The following TBC1D8 variants were observed in gnomAD, a reference collection of about 807,000 sequenced individuals.
The protein encoded by TBC1D8 is BUB2-like protein 1.
In TBC1D8, 65 loss-of-function variants were observed where a neutral mutation model predicts 118.8. The ratio of observed to expected loss-of-function variants is 0.55; its 90% confidence interval spans 0.45 to 0.67. TBC1D8 has a LOEUF of 0.67. TBC1D8 is among the 30% of genes least tolerant of loss of function. The pLI, the probability that TBC1D8 is intolerant of heterozygous loss-of-function variation, is 0.00. For synonymous variants in TBC1D8, 566 were observed against 595.8 expected, an observed-to-expected ratio of 0.95 and a Z score of 0.73; for missense variants, 1,376 against 1,471.2, an observed-to-expected ratio of 0.94 and a Z score of 1.06.
chr2:101,007,875 T>G lies in TBC1D8; in HGVS notation c.3414A>C (p.Lys1138Asn), dbSNP rs2105353326. Residue 1138 changes from lysine (K) to asparagine (N), a missense_variant, in exon 20 of 20, where the codon AAA becomes AAC. Transcript: ENST00000409318. Reference protein sequence around the residue: ...ENAKINQYNLKTFEMSHQSQS... With the variant: ...ENAKINQYNLNTFEMSHQSQS... ...GTGATTGGTGGCTCATTTCAAAAGTTTTGAGATTGTACTGATTGATCTTGG... is the reference window on the plus strand; with the variant it reads ...GTGATTGGTGGCTCATTTCAAAAGTGTTGAGATTGTACTGATTGATCTTGG... 1 of 1,612,422 alleles carries G rather than the reference T, an allele frequency of 6.2e-7. No homozygotes were observed. The highest frequency in any genetic ancestry group is 8.5e-7 in the Non-Finnish European group (1 of 1,179,876).
intron 8 of TBC1D8, among the ~76,000 whole-genome samples, chr2:101,037,261 G>C (rs1234878492): frequency 6.6e-6 from 1 of 152,214 alleles, no homozygotes; most frequent in Non-Finnish European, 1.5e-5. Context: ...CCCATTCTGT[G>C]CCTGGAGACC....
At chr2:101,105,415 C>G (rs958405770) in intron 1 of TBC1D8, among the ~76,000 whole-genome samples, 1 of 151,202 alleles carries the variant, frequency 6.6e-6, no homozygotes, top group Non-Finnish European at 1.5e-5. Context: ...ATGGCGAAAC[C>G]CTGTCTCTAC....
chr2:101,043,132 C>T (rs554812153), intron 5 of TBC1D8, among the ~76,000 whole-genome samples: 93 of 152,344 alleles, frequency 6.1e-4, no homozygotes, highest in African/African-American at 2.2e-3. Context: ...CAGATCACAA[C>T]GGGTCCAGTT....
intron 2 of TBC1D8, among the ~76,000 whole-genome samples, chr2:101,089,837 C>A (rs1444559385): frequency 6.7e-6 from 1 of 150,308 alleles, no homozygotes. Context: ...CGACAATATA[C>A]GAGCACCATG....
At chr2:101,036,211 C>T (rs1265313765) in intron 8 of TBC1D8, 43 bp from the exon 9 acceptor site, 1 of 1,594,282 alleles carries the variant, frequency 6.3e-7, no homozygotes, top group African/African-American at 1.3e-5. Context: ...AGTCTGTCCT[C>T]ACCACCCCCC....
chr2:101,124,309 T>C (rs1241621873), intron 1 of TBC1D8, among the ~76,000 whole-genome samples: 2 of 152,202 alleles, frequency 1.3e-5, no homozygotes, highest in Non-Finnish European at 2.9e-5. Flanking sequence ...ACATAGGGCA[T>C]CTAAGCAGTG....
chr2:101,022,349 C>G lies in TBC1D8; in HGVS notation c.2693G>C (p.Arg898Thr). Reference protein sequence around the residue: ...CGAHTEILAERTFRLLDDNMD... With the variant: ...CGAHTEILAETTFRLLDDNMD... ...GTTGTCATCCAAGAGCCTGAACGTC[C>G]TTTCGGCGAGGATCTCCGTGTGGGC... is the stretch of plus-strand genomic sequence containing the variant. Residue 898 changes from arginine (R) to threonine (T), a missense_variant, in exon 16 of 20, where the codon AGG becomes ACG. Coordinates refer to ENST00000409318, the MANE Select transcript of TBC1D8 (RefSeq NM_001330348.2). 6.2e-7 allele frequency: 1 copy of G among 1,612,538 alleles called. No homozygotes were observed. Among genetic ancestry groups the G allele is most frequent in the Non-Finnish European group, 8.5e-7 (1 of 1,179,558 alleles).
At chr2:101,057,996 G>C (rs1225336070) in intron 3 of TBC1D8, among the ~76,000 whole-genome samples, 1 of 152,188 alleles carries the variant, frequency 6.6e-6, no homozygotes, top group Non-Finnish European at 1.5e-5. Context: ...TCCAAATTAA[G>C]AAGAGCAACA....
At chr2:101,035,762 TA>T (rs1177080195) in intron 9 of TBC1D8, among the ~76,000 whole-genome samples, 2 of 152,134 alleles carry the variant, frequency 1.3e-5, no homozygotes, top group Non-Finnish European at 1.5e-5. Context: ...AAGGCATTTT[TA>T]AAAGAGTGGC....
rs185402731 is a variant in TBC1D8 at position 101,098,246 on chromosome 2, G to T, written c.128-7882C>A. Among the ~76,000 whole-genome samples, 38 of 152,136 alleles carry T rather than the reference G, an allele frequency of 2.5e-4. 1 individual carries two copies. In the East Asian group the frequency reaches 7.3e-3, roughly 29 times the overall value. Reference sequence around the variant, plus strand: ...CATTTCTATTAAAAATACAAAATTAGCCAGGTGTGGTGGCAGGGGCTACTC... The same window carrying T: ...CATTTCTATTAAAAATACAAAATTATCCAGGTGTGGTGGCAGGGGCTACTC... On this transcript the variant is annotated intron_variant, in intron 1 of 19. Transcript: ENST00000409318.
At chr2:101,110,649 A>C (rs1245093400) in intron 1 of TBC1D8, among the ~76,000 whole-genome samples, 1 of 152,124 alleles carries the variant, frequency 6.6e-6, no homozygotes, top group Non-Finnish European at 1.5e-5. Context: ...GGCTGCTGTC[A>C]CTGTTTTTGA....
At chr2:101,103,386 C>CT (rs1283175756) in intron 1 of TBC1D8, among the ~76,000 whole-genome samples, 4,138 of 131,636 alleles carry the variant, frequency 0.031, 181 homozygotes, top group African/African-American at 0.1. Context: ...TCAAGAACTT[C>CT]TTTTTTTTTT....
At chr2:101,095,820 G>A (rs536496793) in intron 1 of TBC1D8, among the ~76,000 whole-genome samples, 1 of 152,204 alleles carries the variant, frequency 6.6e-6, no homozygotes, top group Admixed American at 6.5e-5. Context: ...TCTCTAGTCA[G>A]TAAGAAAGCT....
Position 101,008,082 on chromosome 2 carries a change from A to G in TBC1D8, c.3207T>C (p.Ser1069=), listed in dbSNP as rs1678875216. Residue 1069 remains serine (S), a synonymous_variant, in exon 20 of 20, where the codon TCT becomes TCC. Transcript: ENST00000409318. ...TGTCTGCAAAAACCGAGTCCTCAGG[A>G]GAAGGAGCTGAAGCCCGCAGCTCCT... ...CGEELRASAP[S]PEDSVFADTG... The G allele has an allele frequency of 6.2e-7, 1 of 1,613,824 alleles. No homozygotes were observed. Among genetic ancestry groups the G allele is most frequent in the Admixed American group, 1.7e-5 (1 of 59,992 alleles).
intron 1 of TBC1D8, among the ~76,000 whole-genome samples, chr2:101,143,597 A>G (rs1558732181): frequency 1.3e-5 from 2 of 152,204 alleles, no homozygotes; most frequent in East Asian, 3.9e-4. Context: ...TCTCACTCCA[A>G]TGTCCAGGCG....
intron 7 of TBC1D8, among the ~76,000 whole-genome samples, chr2:101,038,130 C>T (rs548306889): frequency 5.9e-5 from 9 of 152,276 alleles, no homozygotes; most frequent in East Asian, 1.9e-4. Flanking sequence ...CCAGCCACCC[C>T]GGGACCACCT....
At chr2:101,079,250 G>A (rs554015075) in intron 2 of TBC1D8, among the ~76,000 whole-genome samples, 2 of 152,280 alleles carry the variant, frequency 1.3e-5, no homozygotes, top group South Asian at 4.1e-4. Context: ...GCCTGCTAAG[G>A]TCCTCTCCAG....
intron 2 of TBC1D8, among the ~76,000 whole-genome samples, chr2:101,075,922 C>T (rs773332551): frequency 6.6e-6 from 1 of 152,042 alleles, no homozygotes; most frequent in South Asian, 2.1e-4. Context: ...ATTCTTTCAA[C>T]GTTTCTGTAT....
chr2:101,027,370 C>T lies in TBC1D8; in HGVS notation c.2520+13G>A. ...CAGGGCCTGGAACCCCTCATCTTCC[C>T]AGAGCTGCGTACCTTGAATAAGTCG... is the stretch of plus-strand genomic sequence containing the variant. On this transcript the variant is annotated intron_variant, in intron 15 of 19. Coordinates refer to ENST00000409318, the MANE Select transcript of TBC1D8 (RefSeq NM_001330348.2). 2 of 1,612,448 alleles carry T rather than the reference C, an allele frequency of 1.2e-6. No individual in the cohort carries two copies. Among genetic ancestry groups the T allele is most frequent in the South Asian group, 2.2e-5 (2 of 91,012 alleles).
Sources: gnomAD v4.1 joint callset for allele counts (sites outside exome capture counted in the v4.1 genomes callset) on GRCh38, gnomAD v4.1.1 for gene constraint, MANE v1.5 for transcripts, NCBI Gene and HGNC (gene_info 2026-07-23, HGNC 2026-07-21) for gene names.